JMJD1C: variants seen among roughly 807,000 people sequenced by gnomAD.
The protein encoded by JMJD1C is jumonji domain containing 1C, also known as jumonji domain-containing protein 1C.
A neutral mutation model predicts 245.3 loss-of-function variants in JMJD1C; 31 were observed. That is an observed-to-expected ratio of 0.13 (90% confidence interval 0.09 to 0.17). The LOEUF is 0.17. Ranked by LOEUF, JMJD1C falls within the 10% of genes least tolerant of loss-of-function variation. The probability of loss-of-function intolerance (pLI) is 1.00; values close to 1 mark genes in which losing one functional copy is unlikely to be tolerated. For synonymous variants in JMJD1C, 1,057 were observed against 1,017.4 expected (o/e 1.04, Z -0.74); for missense variants, 2,691 against 3,000.2 (o/e 0.90, Z 2.41).
intron 10 of JMJD1C, among the ~76,000 whole-genome samples, chr10:63,205,762 G>A (rs536210748): frequency 1.3e-5 from 2 of 152,218 alleles, no homozygotes; most frequent in South Asian, 2.1e-4. Context: ...CAAAGAAAGA[G>A]GTATAGTAAA....
At chr10:63,336,591 A>G (rs1942757921) in intron 2 of JMJD1C, among the ~76,000 whole-genome samples, 1 of 152,194 alleles carries the variant, frequency 6.6e-6, no homozygotes, top group Admixed American at 6.5e-5. Context: ...TAGAATAAAT[A>G]AAAAAGAAGA....
intron 1 of JMJD1C, among the ~76,000 whole-genome samples, chr10:63,505,189 C>A (rs1288472236): frequency 6.6e-6 from 1 of 150,444 alleles, no homozygotes; most frequent in Non-Finnish European, 1.5e-5. Flanking sequence ...TGGTGGCGGG[C>A]GCCTGTAGTC....
chr10:63,385,287 T>C (rs549286854), intron 1 of JMJD1C, among the ~76,000 whole-genome samples: 1 of 152,090 alleles, frequency 6.6e-6, no homozygotes, highest in East Asian at 1.9e-4. Flanking sequence ...AATAAAAGTT[T>C]GAAATATCGT....
intron 2 of JMJD1C, among the ~76,000 whole-genome samples, chr10:63,297,500 G>A (rs1335159247): frequency 6.6e-6 from 1 of 152,222 alleles, no homozygotes; most frequent in African/African-American, 2.4e-5. Flanking sequence ...CCTGGATGCA[G>A]GACAAGAACT....
intron 1 of JMJD1C, among the ~76,000 whole-genome samples, chr10:63,453,591 T>A (rs926150683): frequency 6.6e-6 from 1 of 152,288 alleles, no homozygotes; most frequent in East Asian, 1.9e-4. Flanking sequence ...TTTCTTAAGC[T>A]GAAACAAAGG....
chr10:63,473,021 G>A (rs959837653), intron 1 of JMJD1C, among the ~76,000 whole-genome samples: 1 of 152,094 alleles, frequency 6.6e-6, no homozygotes, highest in Non-Finnish European at 1.5e-5. Flanking sequence ...TTGACCTCAT[G>A]ATCTGCCCTC....
intron 2 of JMJD1C, among the ~76,000 whole-genome samples, chr10:63,327,431 T>C (rs1052787881): frequency 1.3e-5 from 2 of 152,156 alleles, no homozygotes; most frequent in Non-Finnish European, 2.9e-5. Context: ...ATTATATGTA[T>C]ATTTCCCCCA....
chr10:63,328,053 T>C (rs1286657263), intron 2 of JMJD1C, among the ~76,000 whole-genome samples: 1 of 151,992 alleles, frequency 6.6e-6, no homozygotes, highest in African/African-American at 2.4e-5. Flanking sequence ...GCCAGGCGGA[T>C]CACCTGAGGT....
intron 1 of JMJD1C, among the ~76,000 whole-genome samples, chr10:63,445,410 G>A (rs1951653421): frequency 6.6e-6 from 1 of 152,148 alleles, no homozygotes; most frequent in Admixed American, 6.6e-5. Context: ...ATGGAGTCAT[G>A]TGGGTATCTT....
chr10:63,513,181 C>G (rs1433647956), intron 1 of JMJD1C, among the ~76,000 whole-genome samples: 1 of 152,020 alleles, frequency 6.6e-6, no homozygotes, highest in Admixed American at 6.6e-5. Flanking sequence ...TAATCTTTGG[C>G]AAAGTCAACA....
chr10:63,247,719 CAAAAAAAAA>C (rs71025135), intron 3 of JMJD1C, among the ~76,000 whole-genome samples: 13 of 105,506 alleles, frequency 1.2e-4, no homozygotes, highest in South Asian at 3.3e-4. Flanking sequence ...GTGACAGAGC[CAAAAAAAAA>C]AAAAAAAAAA....
intron 3 of JMJD1C, among the ~76,000 whole-genome samples, chr10:63,226,459 T>C (rs919226562): frequency 2.0e-5 from 3 of 151,912 alleles, no homozygotes; most frequent in African/African-American, 7.3e-5. Context: ...ACACCTATAA[T>C]CCCAGCACTT....
chr10:63,329,115 C>G (rs949108973), intron 2 of JMJD1C, among the ~76,000 whole-genome samples: 1 of 151,852 alleles, frequency 6.6e-6, no homozygotes, highest in African/African-American at 2.4e-5. Flanking sequence ...AACCCCGTTT[C>G]TACAAAAAAT....
At chr10:63,521,795 TGCGGCTGCGACG>T in exon 1 of JMJD1C, 1 of 313,650 alleles carries the variant, frequency 3.2e-6, no homozygotes, top group Non-Finnish European at 5.8e-6. Context: ...CTGCGGCGAC[TGCGGCTGCGACG>T]GCGGCGGCGG....
chr10:63,337,207 G>C (rs1047217263), intron 2 of JMJD1C, among the ~76,000 whole-genome samples: 2 of 151,416 alleles, frequency 1.3e-5, no homozygotes, highest in Admixed American at 1.3e-4. Context: ...CCACCATTGA[G>C]ACCGGCACGG....
At chr10:63,341,075 G>A (rs1305970002) in intron 2 of JMJD1C, among the ~76,000 whole-genome samples, 1 of 152,172 alleles carries the variant, frequency 6.6e-6, no homozygotes, top group Non-Finnish European at 1.5e-5. Flanking sequence ...GAATCCAACA[G>A]TGTCACAGTG....
At chr10:63,427,807 T>C (rs920008869) in intron 1 of JMJD1C, 5 of 1,185,782 alleles carry the variant, frequency 4.2e-6, no homozygotes, top group Non-Finnish European at 5.0e-6. Flanking sequence ...AAAGATGAAA[T>C]GCAAGGCCCC....
chr10:63,389,989 T>C (rs149202700), intron 1 of JMJD1C, among the ~76,000 whole-genome samples: 25 of 152,024 alleles, frequency 1.6e-4, no homozygotes, highest in Non-Finnish European at 4.4e-5. Context: ...GAAAACAGAA[T>C]AGAACACGGC....
intron 3 of JMJD1C, among the ~76,000 whole-genome samples, chr10:63,250,524 A>G (rs1852914150): frequency 6.6e-6 from 1 of 152,106 alleles, no homozygotes; most frequent in Admixed American, 6.6e-5. Context: ...CAACACTAAC[A>G]TGCCAAGCAG....
Sources: gnomAD v4.1 joint callset for allele counts (sites outside exome capture counted in the v4.1 genomes callset) on GRCh38, gnomAD v4.1.1 for gene constraint, MANE v1.5 for transcripts, NCBI Gene and HGNC (gene_info 2026-07-23, HGNC 2026-07-21) for gene names.